Variants in PTPRO observed in about 807,000 individuals in gnomAD.
The protein encoded by PTPRO is protein tyrosine phosphatase receptor type O.
In PTPRO, 62 loss-of-function variants were observed where a neutral mutation model predicts 145.2. The ratio of observed to expected loss-of-function variants is 0.43; its 90% CI spans 0.35 to 0.53. The LOEUF (loss-of-function observed/expected upper bound fraction) is 0.53. Ranked by LOEUF, PTPRO falls within the 20% of genes least tolerant of loss-of-function variation. The pLI is 0.01. For synonymous variants in PTPRO, 565 were observed against 514.7 expected, an observed-to-expected ratio of 1.10 and a Z score of -1.32; for missense variants, 1,345 against 1,482.7, an observed-to-expected ratio of 0.91 and a Z score of 1.53.
chr12:15,416,359 G>A (rs1205162263), intron 1 of PTPRO, among the ~76,000 whole-genome samples: 7 of 142,208 alleles, frequency 4.9e-5, no homozygotes, highest in Admixed American at 1.4e-4. Context: ...TCGCTCTGTC[G>A]CCCAGGCTGG....
At chr12:15,352,649 C>CAAAAAAAA (rs71042243) in intron 1 of PTPRO, among the ~76,000 whole-genome samples, 2 of 100,416 alleles carry the variant, frequency 2.0e-5, no homozygotes, top group African/African-American at 8.1e-5. Context: ...GACTCTGTCT[C>CAAAAAAAA]AAAAAAAAAA....
chr12:15,345,952 T>C (rs190654018), intron 1 of PTPRO, among the ~76,000 whole-genome samples: 2 of 152,212 alleles, frequency 1.3e-5, no homozygotes, highest in African/African-American at 4.8e-5. Context: ...TCTGAGCCTC[T>C]CTCATAAGTT....
chr12:15,418,871 A>T (rs563937121), intron 1 of PTPRO, among the ~76,000 whole-genome samples: 1 of 151,718 alleles, frequency 6.6e-6, no homozygotes, highest in African/African-American at 2.4e-5. Flanking sequence ...TAACAAAAGC[A>T]ATACTAAAGT....
At chr12:15,501,365 A>C (rs767600209) in intron 4 of PTPRO, among the ~76,000 whole-genome samples, 3 of 152,230 alleles carry the variant, frequency 2.0e-5, no homozygotes, top group Non-Finnish European at 4.4e-5. Flanking sequence ...CACTTCAACA[A>C]GCATAATATT....
intron 2 of PTPRO, among the ~76,000 whole-genome samples, chr12:15,484,816 A>T (rs1591642926): frequency 6.6e-6 from 1 of 152,198 alleles, no homozygotes; most frequent in East Asian, 1.9e-4. Context: ...AGTCCATGTC[A>T]TAAAGAGTTA....
At chr12:15,496,254 T>C (rs1942104974) in intron 2 of PTPRO, among the ~76,000 whole-genome samples, 1 of 146,742 alleles carries the variant, frequency 6.8e-6, no homozygotes, top group Non-Finnish European at 1.5e-5. Flanking sequence ...GTGATTCTCC[T>C]GCCTCAGCCT....
intron 2 of PTPRO, among the ~76,000 whole-genome samples, chr12:15,490,536 A>T (rs780680466): frequency 2.6e-5 from 4 of 152,216 alleles, no homozygotes; most frequent in Non-Finnish European, 5.9e-5. Context: ...AAAAATGTAA[A>T]AGCCTTTCTT....
At chr12:15,572,919 A>G (rs1944090697) in intron 19 of PTPRO, among the ~76,000 whole-genome samples, 1 of 152,186 alleles carries the variant, frequency 6.6e-6, no homozygotes, top group Non-Finnish European at 1.5e-5. Context: ...GAGGCGTTAA[A>G]TGCTCTTCAA....
rs10492143 is a variant in PTPRO, at chr12:15,560,123, A to C, written c.2628-70A>C. ...CCCAATAGGTAATTTACTGATATCTATTCACAGTTTATATTACTAACTCTT... is the reference window on the plus strand; with the variant it reads ...CCCAATAGGTAATTTACTGATATCTCTTCACAGTTTATATTACTAACTCTT... On this transcript the variant is annotated intron_variant, in intron 16 of 26. Transcript: ENST00000281171. 3 of 1,074,128 alleles carry C rather than the reference A, an allele frequency of 2.8e-6. No homozygotes were observed. In the Admixed American group the frequency reaches 5.1e-5, roughly 18 times the overall value. The allele number at this position is 1,074,128 out of a possible 1,614,324, so 66.5% of individuals were successfully genotyped here.
intron 1 of PTPRO, among the ~76,000 whole-genome samples, chr12:15,422,615 A>G (rs1475933723): frequency 1.3e-5 from 2 of 152,158 alleles, no homozygotes; most frequent in African/African-American, 2.4e-5. Flanking sequence ...ATTAGGGTTT[A>G]GATAGATAGG....
rs184900574 is a variant in PTPRO, at chr12:15,354,828, A to G, written c.75+32027A>G. Reference sequence around the variant, plus strand: ...GCTTAGGGCTATGAAATAACCAAGCAAATGAGTTTGATTCCAAAGCTCATT... The same window carrying G: ...GCTTAGGGCTATGAAATAACCAAGCGAATGAGTTTGATTCCAAAGCTCATT... On this transcript the variant is annotated intron_variant, in intron 1 of 26. Coordinates refer to ENST00000281171, the MANE Select transcript of PTPRO (RefSeq NM_030667.3). Among the ~76,000 whole-genome samples the G allele has an allele frequency of 3.0e-3, 457 of 152,330 alleles. 1 individual carries two copies. Among genetic ancestry groups the G allele is most frequent in the African/African-American group, 0.011 (440 of 41,564 alleles).
intron 8 of PTPRO, 76 bp downstream of exon 8, chr12:15,515,694 A>T: frequency 6.3e-7 from 1 of 1,575,674 alleles, no homozygotes. Flanking sequence ...GTGCGAGCTC[A>T]AATCATTATC....
At chr12:15,526,035 G>A (rs1942830056) in intron 11 of PTPRO, 107 bp from the exon 12 acceptor site, 2 of 1,365,226 alleles carry the variant, frequency 1.5e-6, no homozygotes, top group East Asian at 2.3e-5. Context: ...GCAGACTGCT[G>A]CATAGAACAG....
chr12:15,355,626 G>C (rs1937962858), intron 1 of PTPRO, among the ~76,000 whole-genome samples: 1 of 152,156 alleles, frequency 6.6e-6, no homozygotes, highest in South Asian at 2.1e-4. Flanking sequence ...CATCTGAAAT[G>C]AAAAGGAAAT....
intron 10 of PTPRO, among the ~76,000 whole-genome samples, chr12:15,520,745 T>C (rs1245695501): frequency 6.6e-6 from 1 of 152,178 alleles, no homozygotes; most frequent in Non-Finnish European, 1.5e-5. Context: ...CTTGTGGAAA[T>C]TAAAAAATAG....
chr12:15,478,536 C>T (rs1377712692), intron 1 of PTPRO, among the ~76,000 whole-genome samples: 10 of 152,084 alleles, frequency 6.6e-5, no homozygotes, highest in African/African-American at 2.4e-4. Context: ...AACCTTTGCG[C>T]ATGTGTGTTT....
intron 2 of PTPRO, among the ~76,000 whole-genome samples, chr12:15,484,636 A>G (rs1035930025): frequency 6.6e-6 from 1 of 152,040 alleles, no homozygotes. Context: ...ATGAACTGAT[A>G]CTCCTATTTA....
intron 9 of PTPRO, among the ~76,000 whole-genome samples, chr12:15,517,845 C>T (rs182471905): frequency 2.0e-5 from 3 of 152,346 alleles, no homozygotes; most frequent in East Asian, 3.9e-4. Flanking sequence ...ATATATCCCC[C>T]CTCCTGGCTG....
intron 7 of PTPRO, among the ~76,000 whole-genome samples, chr12:15,510,067 G>A (rs1942407903): frequency 1.3e-5 from 2 of 152,172 alleles, no homozygotes; most frequent in African/African-American, 4.8e-5. Flanking sequence ...ATCAATTCTT[G>A]TGGAGTACGT....
Sources: allele counts gnomAD v4.1 joint callset (sites outside exome capture counted in the v4.1 genomes callset), GRCh38; gene constraint gnomAD v4.1.1; transcripts MANE v1.5; gene names NCBI Gene and HGNC (gene_info 2026-07-23, HGNC 2026-07-21).